Variants in HECW1 observed in about 807,000 individuals in gnomAD.
HECW1 encodes E3 ubiquitin-protein ligase HECW1.
A neutral mutation model predicts 182.3 loss-of-function variants in HECW1; 61 were observed. The observed-to-expected ratio is 0.33, with a 90% CI of 0.27 to 0.41. The LOEUF is 0.41. Among genes scored for constraint, HECW1 ranks in the 10% least tolerant of loss-of-function variants. HECW1 has a pLI of 1.00. For missense variants in HECW1, 1,739 were observed against 2,108.9 expected (o/e 0.82, Z 3.44); for synonymous variants, 859 against 832.6 (o/e 1.03, Z -0.55).
At chr7:43,236,087 TAATA>T (rs1048241567) in intron 2 of HECW1, among the ~76,000 whole-genome samples, 1 of 152,064 alleles carries the variant, frequency 6.6e-6, no homozygotes, top group African/African-American at 2.4e-5. Flanking sequence ...GTGATATATA[TAATA>T]AATATACAGT....
rs1048133897 is a variant in HECW1, at chr7:43,459,069, T to C, written c.2651+2622T>C. Among the ~76,000 whole-genome samples the C allele has an allele frequency of 2.0e-5, 3 of 152,156 alleles. No individual in the cohort carries two copies. In the South Asian group the frequency reaches 6.2e-4, roughly 31 times the overall value. On this transcript the variant is annotated intron_variant, in intron 13 of 29. Transcript: ENST00000395891. ...TTTATGGCTTGGCCACATGCTCCCA[T>C]GGCAGGAAAATGCCTCCCACCTGCC...
At chr7:43,352,490 T>G (rs10274398) in intron 5 of HECW1, among the ~76,000 whole-genome samples, 18,055 of 152,208 alleles carry the variant, frequency 0.12, 1,201 homozygotes, top group South Asian at 0.26. Context: ...GAAGTTTACT[T>G]CTGTTAGCTG....
chr7:43,284,643 TACTC>T (rs1243783208), intron 3 of HECW1, among the ~76,000 whole-genome samples: 1 of 152,158 alleles, frequency 6.6e-6, no homozygotes, highest in African/African-American at 2.4e-5. Context: ...CACTTGAACT[TACTC>T]ATTCTTTCTA....
intron 2 of HECW1, among the ~76,000 whole-genome samples, chr7:43,141,426 A>C (rs1317855501): frequency 6.6e-6 from 1 of 152,110 alleles, no homozygotes; most frequent in East Asian, 1.9e-4. Context: ...TTTTCTTAGA[A>C]TGTGCTTCTC....
intron 5 of HECW1, among the ~76,000 whole-genome samples, chr7:43,353,132 C>A (rs540875133): frequency 6.6e-6 from 1 of 152,088 alleles, no homozygotes; most frequent in African/African-American, 2.4e-5. Flanking sequence ...GACATGGTCA[C>A]CCCGGCCCAA....
At chr7:43,559,882 A>G (rs558387158) in intron 29 of HECW1, among the ~76,000 whole-genome samples, 8 of 152,348 alleles carry the variant, frequency 5.3e-5, no homozygotes, top group South Asian at 2.1e-4. Context: ...AATAAATGCA[A>G]TAAAAGCAAC....
intron 26 of HECW1, among the ~76,000 whole-genome samples, chr7:43,547,021 C>A (rs1037078538): frequency 6.6e-6 from 1 of 152,200 alleles, no homozygotes; most frequent in Non-Finnish European, 1.5e-5. Flanking sequence ...GGGAATTCGT[C>A]TGCTGCCTCT....
intron 6 of HECW1, among the ~76,000 whole-genome samples, chr7:43,391,574 A>G (rs1169693675): frequency 6.6e-6 from 1 of 152,156 alleles, no homozygotes; most frequent in Non-Finnish European, 1.5e-5. Flanking sequence ...CTTAGTCTTT[A>G]TCTCAAGTGT....
rs757329132 is a variant in HECW1, at chr7:43,407,751, A to C, written c.801+20A>C. 20 of 1,583,566 alleles carry C rather than the reference A, an allele frequency of 1.3e-5. No homozygotes were observed. In the South Asian group the frequency reaches 2.1e-4, roughly 17 times the overall value. ...GCCGAGGTGAGTGCTGTGGGCCCTG[A>C]AAAAAAGCCCAAGTAAAAGTGAAAG... is the stretch of plus-strand genomic sequence containing the variant. On this transcript the variant is annotated intron_variant, in intron 8 of 29. Transcript: ENST00000395891.
At chr7:43,399,241 G>C (rs1470975141) in intron 7 of HECW1, among the ~76,000 whole-genome samples, 1 of 152,200 alleles carries the variant, frequency 6.6e-6, no homozygotes, top group Non-Finnish European at 1.5e-5. Context: ...TCCTCCCAAA[G>C]TTAGTTGCGC....
At chr7:43,206,666 G>A (rs531748850) in intron 2 of HECW1, among the ~76,000 whole-genome samples, 1 of 151,878 alleles carries the variant, frequency 6.6e-6, no homozygotes, top group Non-Finnish European at 1.5e-5. Flanking sequence ...TGGGTGCTGG[G>A]TGCTGCTTTT....
intron 24 of HECW1, among the ~76,000 whole-genome samples, chr7:43,525,875 C>G (rs1298004504): frequency 6.6e-6 from 1 of 152,168 alleles, no homozygotes; most frequent in African/African-American, 2.4e-5. Flanking sequence ...TTCCTACTTT[C>G]AGATGATGAA....
At chr7:43,512,769 G>C (rs1200064399) in intron 24 of HECW1, among the ~76,000 whole-genome samples, 2 of 152,144 alleles carry the variant, frequency 1.3e-5, no homozygotes, top group African/African-American at 4.8e-5. Flanking sequence ...TTTCAACACA[G>C]CTGCTCTTAC....
chr7:43,320,795 C>A, intron 5 of HECW1, 53 bp downstream of exon 5: 2 of 1,300,614 alleles, frequency 1.5e-6, no homozygotes, highest in South Asian at 2.4e-5. Flanking sequence ...AAGCAGAATT[C>A]AACTGTTTCA....
intron 17 of HECW1, among the ~76,000 whole-genome samples, chr7:43,483,897 G>A (rs1406234714): frequency 2.0e-5 from 3 of 152,026 alleles, no homozygotes; most frequent in African/African-American, 7.2e-5. Flanking sequence ...GAAGAGGAAG[G>A]GCTGTGGCAA....
intron 6 of HECW1, among the ~76,000 whole-genome samples, chr7:43,372,671 A>AT (rs1183150096): frequency 2.6e-5 from 4 of 151,904 alleles, no homozygotes; most frequent in Non-Finnish European, 2.9e-5. Context: ...TTTTAAATAA[A>AT]TTTTTTTACA....
chr7:43,476,536 A>G (rs951538391), intron 16 of HECW1, among the ~76,000 whole-genome samples: 1 of 152,310 alleles, frequency 6.6e-6, no homozygotes, highest in South Asian at 2.1e-4. Flanking sequence ...AAATGAAAAC[A>G]GACAAGAATA....
chr7:43,246,871 G>A (rs930561114), intron 3 of HECW1, among the ~76,000 whole-genome samples: 3 of 152,144 alleles, frequency 2.0e-5, no homozygotes, highest in African/African-American at 7.2e-5. Context: ...GGACTCTCAG[G>A]AGCAAAAACT....
intron 3 of HECW1, among the ~76,000 whole-genome samples, chr7:43,298,415 C>G (rs2152760915): frequency 6.6e-6 from 1 of 152,346 alleles, no homozygotes; most frequent in East Asian, 1.9e-4. Flanking sequence ...GCACCCTTAG[C>G]AGTTTACAGT....
Sources: allele counts gnomAD v4.1 joint callset (sites outside exome capture counted in the v4.1 genomes callset), GRCh38; gene constraint gnomAD v4.1.1; transcripts MANE v1.5; gene names NCBI Gene and HGNC (gene_info 2026-07-23, HGNC 2026-07-21).